C2CD5: variants seen among roughly 807,000 people sequenced by gnomAD.
The protein encoded by C2CD5 is C2 calcium dependent domain containing 5.
Under a neutral mutation model 130.3 loss-of-function variants are expected in C2CD5, and 109 were observed. The observed-to-expected ratio is 0.84, with a 90% CI of 0.72 to 0.98. C2CD5 has a LOEUF of 0.98. C2CD5 is among the 50% of genes least tolerant of loss of function. The pLI, the probability that C2CD5 is intolerant of heterozygous loss-of-function variation, is 0.00. For missense variants in C2CD5, 996 were observed against 1,261.8 expected (o/e 0.79, Z 3.19); for synonymous variants, 454 against 429.2 (o/e 1.06, Z -0.71).
rs147740130 is a variant in C2CD5, at chr12:22,536,027, T to C, written c.91-683A>G. 5.9e-3 allele frequency among the ~76,000 whole-genome samples: 896 copies of C among 152,152 alleles called. 3 individuals carry two copies. The highest frequency in any genetic ancestry group is 9.5e-3 in the Non-Finnish European group (648 of 67,990). On this transcript the variant is annotated intron_variant, in intron 2 of 26. Coordinates refer to ENST00000446597, the MANE Select transcript of C2CD5 (RefSeq NM_001286176.2). ...TCTGTCAATATGGAACTAATTAAAT[T>C]TATGGTAAAGCAACACAATGTAGCA...
chr12:22,517,587 A>G (rs2136943992), intron 8 of C2CD5, among the ~76,000 whole-genome samples: 1 of 152,290 alleles, frequency 6.6e-6, no homozygotes, highest in East Asian at 1.9e-4. Context: ...TTTTCATAAT[A>G]AAATCTTAGA....
intron 3 of C2CD5, among the ~76,000 whole-genome samples, chr12:22,530,525 T>C (rs1239862479): frequency 6.6e-6 from 1 of 151,808 alleles, no homozygotes. Context: ...TGGCGTGATC[T>C]CGACTCACTG....
chr12:22,500,858 T>G (rs941416683), intron 10 of C2CD5, among the ~76,000 whole-genome samples: 1 of 152,152 alleles, frequency 6.6e-6, no homozygotes, highest in Non-Finnish European at 1.5e-5. Context: ...ATGATAATGC[T>G]TCATATAATA....
At chr12:22,484,673 C>T (rs117993613) in intron 13 of C2CD5, 24 bp downstream of exon 13, 98 of 1,394,338 alleles carry the variant, frequency 7.0e-5, no homozygotes, top group African/African-American at 8.8e-5. Flanking sequence ...TCAGGGACAC[C>T]GAGTGTTGTT....
At chr12:22,459,142 A>C (rs1011038011) in intron 23 of C2CD5, among the ~76,000 whole-genome samples, 2 of 152,080 alleles carry the variant, frequency 1.3e-5, no homozygotes, top group African/African-American at 4.8e-5. Context: ...TCCATGTCTG[A>C]TTTTGGGCAA....
At chr12:22,472,562 A>T in intron 17 of C2CD5, 182 bp downstream of exon 17, 1 of 633,910 alleles carries the variant, frequency 1.6e-6, no homozygotes, top group Non-Finnish European at 2.8e-6. Flanking sequence ...AATCACTTCC[A>T]CCTAAGTTCT....
At position 22,482,736 on chromosome 12, in the gene C2CD5, G is replaced by C; in HGVS notation, c.1558C>G (p.Arg520Gly). ...TCTGCCTGTGCTTTCTTTTTTAAGCGACATAACCTGTAAAGGAAAATAAGT... is the reference window on the plus strand; with the variant it reads ...TCTGCCTGTGCTTTCTTTTTTAAGCCACATAACCTGTAAAGGAAAATAAGT... ...KGCLIQARLC[R>G]LKKKAQAEAN... Residue 520 changes from arginine to glycine, a missense_variant, in exon 14 of 27, where the codon CGC (arginine) becomes GGC (glycine). By Grantham distance (125) the Arg-to-Gly change is moderately radical. Coordinates refer to ENST00000446597, the MANE Select transcript of C2CD5 (RefSeq NM_001286176.2). The C allele has an allele frequency of 6.2e-7, 1 of 1,611,714 alleles. No individual in the cohort carries two copies. Among genetic ancestry groups the C allele is most frequent in the Non-Finnish European group, 8.5e-7 (1 of 1,178,216 alleles).
At chr12:22,460,908 G>C (rs2136047146) in intron 22 of C2CD5, among the ~76,000 whole-genome samples, 1 of 152,206 alleles carries the variant, frequency 6.6e-6, no homozygotes, top group East Asian at 1.9e-4. Context: ...CTGACCACTA[G>C]CTAATCCTGT....
In C2CD5 at chr12:22,524,722, ATAC is replaced by A. The variant is rs773757381; in HGVS notation, c.446-98_446-96del. 20 of 732,372 alleles carry A rather than the reference ATAC, an allele frequency of 2.7e-5. No homozygotes were observed. In the Admixed American group the frequency reaches 3.0e-4, roughly 11 times the overall value. 45.4% of individuals were successfully genotyped at this position (732,372 alleles called of 1,614,324 possible). A position where few individuals can be genotyped will look rare whatever the true frequency, so the allele number is the denominator to read the frequency against. On this transcript the variant is annotated intron_variant, in intron 5 of 26. Coordinates refer to ENST00000446597, the MANE Select transcript of C2CD5 (RefSeq NM_001286176.2). ...CAATTTTCTGACCTTTAGATACATAATACAAGAACATCTTTTACTGTAATATTT... is the reference window on the plus strand; with the variant it reads ...CAATTTTCTGACCTTTAGATACATAAAAGAACATCTTTTACTGTAATATTT...
chr12:22,543,313 T>C (rs1239215087), intron 2 of C2CD5, among the ~76,000 whole-genome samples: 1 of 152,252 alleles, frequency 6.6e-6, no homozygotes, highest in African/African-American at 2.4e-5. Context: ...ACTTTTAAAC[T>C]AATCATTAGA....
At chr12:22,456,302 A>G (rs1305257743) in intron 25 of C2CD5, among the ~76,000 whole-genome samples, 4 of 152,212 alleles carry the variant, frequency 2.6e-5, no homozygotes, top group Non-Finnish European at 2.9e-5. Flanking sequence ...CCTATTCACC[A>G]TATTAATTTG....
intron 3 of C2CD5, among the ~76,000 whole-genome samples, chr12:22,531,406 A>C (rs1227177365): frequency 1.3e-5 from 2 of 152,218 alleles, no homozygotes; most frequent in Non-Finnish European, 2.9e-5. Context: ...ATAGTAATCA[A>C]AACAGTATGG....
At chr12:22,465,106 G>A (rs989373707) in intron 22 of C2CD5, among the ~76,000 whole-genome samples, 1 of 152,042 alleles carries the variant, frequency 6.6e-6, no homozygotes, top group Non-Finnish European at 1.5e-5. Context: ...TGTATTGTGG[G>A]TATAAGCCAA....
chr12:22,514,882 T>A, intron 8 of C2CD5: 1 of 551,420 alleles, frequency 1.8e-6, no homozygotes, highest in Admixed American at 6.4e-5. Flanking sequence ...TAGAAAGGCA[T>A]CTTGTATAAA....
At chr12:22,482,091 A>C (rs1288554003) in intron 14 of C2CD5, among the ~76,000 whole-genome samples, 1 of 152,000 alleles carries the variant, frequency 6.6e-6, no homozygotes, top group Non-Finnish European at 1.5e-5. Context: ...TGCTCCACTC[A>C]CCAAGGGACA....
intron 18 of C2CD5, 82 bp from the exon 19 acceptor site, chr12:22,472,147 C>T: frequency 1.1e-6 from 1 of 903,854 alleles, no homozygotes; most frequent in South Asian, 1.5e-5. Flanking sequence ...AAATAATGAA[C>T]AATACTAACT....
At chr12:22,497,788 C>T (rs953129107) in intron 10 of C2CD5, among the ~76,000 whole-genome samples, 2 of 151,888 alleles carry the variant, frequency 1.3e-5, no homozygotes, top group African/African-American at 4.8e-5. Context: ...TAGGATGAAA[C>T]TAAGATATAA....
At chr12:22,534,252 T>C (rs1799562893) in intron 3 of C2CD5, among the ~76,000 whole-genome samples, 1 of 151,926 alleles carries the variant, frequency 6.6e-6, no homozygotes, top group Admixed American at 6.6e-5. Context: ...TCCAAATGAA[T>C]CCATGACCTA....
At chr12:22,474,316 T>C (rs1943516469) in intron 16 of C2CD5, among the ~76,000 whole-genome samples, 1 of 152,062 alleles carries the variant, frequency 6.6e-6, no homozygotes, top group South Asian at 2.1e-4. Context: ...TTTATAAAGA[T>C]GGATCAATTA....
Sources: allele counts gnomAD v4.1 joint callset (sites outside exome capture counted in the v4.1 genomes callset), GRCh38; gene constraint gnomAD v4.1.1; transcripts MANE v1.5; gene names NCBI Gene and HGNC (gene_info 2026-07-23, HGNC 2026-07-21).